Variants in PDSS2 observed in about 807,000 individuals in gnomAD.
PDSS2 encodes all trans-polyprenyl-diphosphate synthase PDSS2.
In PDSS2, 31 loss-of-function variants were observed where a neutral mutation model predicts 44.5. That is an observed-to-expected ratio of 0.70 (90% CI 0.52 to 0.94). The LOEUF is 0.94. PDSS2 is among the 40% of genes least tolerant of loss of function. The pLI is 0.00. For missense variants in PDSS2, 452 were observed against 482.2 expected, an observed-to-expected ratio of 0.94 and a Z score of 0.59; for synonymous variants, 157 against 180.3, an observed-to-expected ratio of 0.87 and a Z score of 1.03.
At chr6:107,315,951 C>G (rs1489998991) in intron 2 of PDSS2, among the ~76,000 whole-genome samples, 1 of 152,172 alleles carries the variant, frequency 6.6e-6, no homozygotes, top group East Asian at 1.9e-4. Flanking sequence ...TAAAAATGCT[C>G]TTCCTAATTA....
chr6:107,434,652 C>T (rs747193484), intron 1 of PDSS2, among the ~76,000 whole-genome samples: 1 of 151,772 alleles, frequency 6.6e-6, no homozygotes, highest in Non-Finnish European at 1.5e-5. Context: ...ACAAAAATAT[C>T]GTTAAAATGA....
At chr6:107,173,257 T>G (rs1771651219) in intron 7 of PDSS2, among the ~76,000 whole-genome samples, 2 of 151,232 alleles carry the variant, frequency 1.3e-5, no homozygotes, top group Non-Finnish European at 2.9e-5. Flanking sequence ...TCCTAGGAAA[T>G]GTTTAGTAGT....
At chr6:107,317,908 C>A (rs998165244) in intron 2 of PDSS2, among the ~76,000 whole-genome samples, 1 of 152,118 alleles carries the variant, frequency 6.6e-6, no homozygotes, top group African/African-American at 2.4e-5. Flanking sequence ...GAGTAATTTT[C>A]CCTTTCCAAA....
intron 2 of PDSS2, among the ~76,000 whole-genome samples, chr6:107,278,010 C>A (rs1273140627): frequency 2.0e-5 from 3 of 151,164 alleles, no homozygotes; most frequent in Middle Eastern, 6.8e-3. Flanking sequence ...AATATAAAAT[C>A]ATCAAATAAT....
chr6:107,446,169 A>G (rs1781671517), intron 1 of PDSS2, among the ~76,000 whole-genome samples: 1 of 152,082 alleles, frequency 6.6e-6, no homozygotes, highest in Non-Finnish European at 1.5e-5. Flanking sequence ...TACAAAAGTT[A>G]GCTGGGCGTG....
intron 6 of PDSS2, among the ~76,000 whole-genome samples, chr6:107,200,158 T>C (rs1772719235): frequency 6.6e-6 from 1 of 152,176 alleles, no homozygotes; most frequent in Non-Finnish European, 1.5e-5. Flanking sequence ...TTTCAGGGAT[T>C]AAAGGCCTTG....
chr6:107,412,251 T>C (rs1205108816), intron 1 of PDSS2, among the ~76,000 whole-genome samples: 4 of 139,166 alleles, frequency 2.9e-5, no homozygotes, highest in African/African-American at 1.1e-4. Flanking sequence ...TTTTTTTTTT[T>C]TTTTTTGAGA....
At chr6:107,390,833 T>C (rs1037354807) in intron 1 of PDSS2, among the ~76,000 whole-genome samples, 2 of 152,160 alleles carry the variant, frequency 1.3e-5, no homozygotes, top group African/African-American at 4.8e-5. Context: ...TAGGACATTA[T>C]GCTCATCTGA....
intron 2 of PDSS2, among the ~76,000 whole-genome samples, chr6:107,301,750 TCAA>T (rs1776701369): frequency 6.6e-6 from 1 of 151,714 alleles, no homozygotes; most frequent in African/African-American, 2.4e-5. Flanking sequence ...GATCACGAGG[TCAA>T]GAGTTTGAGA....
chr6:107,192,757 T>C (rs1156751021), intron 7 of PDSS2, among the ~76,000 whole-genome samples: 1 of 150,986 alleles, frequency 6.6e-6, no homozygotes, highest in Non-Finnish European at 1.5e-5. Flanking sequence ...TAAGAACCAG[T>C]GGTTCAAAGT....
chr6:107,407,416 A>G (rs1197905528), intron 1 of PDSS2, among the ~76,000 whole-genome samples: 1 of 152,196 alleles, frequency 6.6e-6, no homozygotes, highest in Non-Finnish European at 1.5e-5. Context: ...ACATATAAAC[A>G]TAGTTAACAT....
intron 1 of PDSS2, among the ~76,000 whole-genome samples, chr6:107,427,303 T>A (rs1298908852): frequency 2.0e-5 from 3 of 152,200 alleles, no homozygotes; most frequent in Admixed American, 2.0e-4. Context: ...GACTTGCTCC[T>A]CCCTGCCTAA....
At chr6:107,283,956 G>A (rs1426032321) in intron 2 of PDSS2, among the ~76,000 whole-genome samples, 1 of 151,812 alleles carries the variant, frequency 6.6e-6, no homozygotes, top group Non-Finnish European at 1.5e-5. Context: ...AATCCAGGAG[G>A]TGGAGGTTGC....
intron 7 of PDSS2, among the ~76,000 whole-genome samples, chr6:107,180,805 A>G (rs1771948223): frequency 6.6e-6 from 1 of 152,198 alleles, no homozygotes; most frequent in Admixed American, 6.5e-5. Flanking sequence ...TGAGCTAAAT[A>G]ATGTAAACTT....
intron 1 of PDSS2, among the ~76,000 whole-genome samples, chr6:107,449,342 A>G (rs575758181): frequency 1.3e-5 from 2 of 152,388 alleles, no homozygotes; most frequent in East Asian, 3.9e-4. Context: ...TTAAGTGTAC[A>G]GCTCAGTAGC....
intron 1 of PDSS2, among the ~76,000 whole-genome samples, chr6:107,364,433 A>G (rs58707421): frequency 0.019 from 2,834 of 148,204 alleles, 69 homozygotes; most frequent in African/African-American, 0.059. Context: ...GCACAGCGCC[A>G]GTGGGCCGGC....
intron 4 of PDSS2, among the ~76,000 whole-genome samples, chr6:107,221,342 GAAAAAAAAAAAAAAAA>G (rs59605783): frequency 2.8e-5 from 2 of 70,224 alleles, no homozygotes; most frequent in South Asian, 6.5e-4. Context: ...ACTCCGTCTC[GAAAAAAAAAAAAAAAA>G]AAAAAAAAAA....
chr6:107,382,462 T>G (rs557593926), intron 1 of PDSS2, among the ~76,000 whole-genome samples: 1 of 152,214 alleles, frequency 6.6e-6, no homozygotes, highest in African/African-American at 2.4e-5. Context: ...ACCATAAAAC[T>G]ACAGCAATAA....
chr6:107,201,390 C>CAAAAAAAA (rs747612959), intron 6 of PDSS2, among the ~76,000 whole-genome samples: 532 of 52,094 alleles, frequency 0.01, 13 homozygotes, highest in East Asian at 0.019. Flanking sequence ...CATACAAAAG[C>CAAAAAAAA]AAAAAAAAAA....
Sources: gnomAD v4.1 joint callset for allele counts (sites outside exome capture counted in the v4.1 genomes callset) on GRCh38, gnomAD v4.1.1 for gene constraint, MANE v1.5 for transcripts, NCBI Gene and HGNC (gene_info 2026-07-23, HGNC 2026-07-21) for gene names.